Variants in ERMP1 observed in about 807,000 individuals in gnomAD.
ERMP1 encodes the protein Felix-ina.
A neutral mutation model predicts 92.0 loss-of-function variants in ERMP1; 86 were observed. The observed-to-expected ratio is 0.93, with a 90% CI of 0.79 to 1.12. The LOEUF is 1.12. Among genes scored for constraint, ERMP1 ranks in the 50% most tolerant of loss-of-function variants. ERMP1 has a pLI of 0.00. For synonymous variants in ERMP1, 530 were observed against 412.8 expected, an observed-to-expected ratio of 1.28 and a Z score of -3.44; for missense variants, 1,342 against 1,116.3, an observed-to-expected ratio of 1.20 and a Z score of -2.88.
upstream of ERMP1, among the ~76,000 whole-genome samples, chr9:5,834,733 G>GTGTGTGTC (rs1226660115): frequency 1.3e-5 from 2 of 150,470 alleles, no homozygotes; most frequent in Non-Finnish European, 3.0e-5. Flanking sequence ...GTGTGTGTGT[G>GTGTGTGTC]TGTGTGTGTG....
chr9:5,838,654 T>C (rs1356385496), intron 6 of ERMP1, among the ~76,000 whole-genome samples: 1 of 152,022 alleles, frequency 6.6e-6, no homozygotes, highest in African/African-American at 2.4e-5. Flanking sequence ...AAATCAAATA[T>C]ATGGAAATGA....
At chr9:5,864,820 T>C (rs1479416652) in intron 5 of ERMP1, among the ~76,000 whole-genome samples, 1 of 152,214 alleles carries the variant, frequency 6.6e-6, no homozygotes, top group Non-Finnish European at 1.5e-5. Flanking sequence ...TTGCAACTAT[T>C]GGTGCCTAAT....
chr9:5,798,681 G>T, intron 12 of ERMP1, 125 bp downstream of exon 12: 2 of 550,334 alleles, frequency 3.6e-6, no homozygotes, highest in South Asian at 2.9e-5. Context: ...CATAATGATA[G>T]AAAAAATAGT....
chr9:5,832,602 G>A, intron 1 of ERMP1, 88 bp downstream of exon 1: 1 of 1,083,022 alleles, frequency 9.2e-7, no homozygotes, highest in Non-Finnish European at 1.2e-6. Flanking sequence ...GTCCGGCAGG[G>A]GCGGGTGCAC....
chr9:5,837,256 A>G (rs1274239039), upstream of ERMP1, among the ~76,000 whole-genome samples: 3 of 152,118 alleles, frequency 2.0e-5, no homozygotes, highest in Non-Finnish European at 4.4e-5. Flanking sequence ...AGTAACTGGT[A>G]CTATAGGTGT....
At chr9:5,858,012 G>A (rs998699156) in intron 6 of ERMP1, among the ~76,000 whole-genome samples, 1 of 152,160 alleles carries the variant, frequency 6.6e-6, no homozygotes, top group Non-Finnish European at 1.5e-5. Context: ...CAGGTCCCAA[G>A]ACAAATCTTT....
chr9:5,836,048 T>C (rs1830092879), upstream of ERMP1, among the ~76,000 whole-genome samples: 2 of 152,334 alleles, frequency 1.3e-5, no homozygotes, highest in South Asian at 4.1e-4. Context: ...TGGCAGGCAG[T>C]TATGCTTGTG....
intron 4 of ERMP1, among the ~76,000 whole-genome samples, chr9:5,819,294 G>C (rs1283873697): frequency 6.6e-6 from 1 of 152,146 alleles, no homozygotes; most frequent in African/African-American, 2.4e-5. Flanking sequence ...AAAGCTGTCA[G>C]AATCAAAACA....
chr9:5,804,683 T>C (rs76317691), intron 10 of ERMP1, among the ~76,000 whole-genome samples: 2,387 of 152,246 alleles, frequency 0.016, 30 homozygotes, highest in South Asian at 0.044. Flanking sequence ...AATTTCAAAA[T>C]ATACTATTAG....
chr9:5,801,084 A>G (rs1828652447), intron 11 of ERMP1, 92 bp downstream of exon 11: 3 of 1,372,464 alleles, frequency 2.2e-6, no homozygotes, highest in East Asian at 2.4e-5. Context: ...TCAACAGCAG[A>G]AAAGTCAGCT....
At chr9:5,841,481 T>TG (rs1303009186) in intron 6 of ERMP1, among the ~76,000 whole-genome samples, 1 of 152,144 alleles carries the variant, frequency 6.6e-6, no homozygotes, top group Non-Finnish European at 1.5e-5. Context: ...TTAAAAGGTA[T>TG]GGGGTTTCCT....
chr9:5,836,689 T>A (rs1175473266), upstream of ERMP1, among the ~76,000 whole-genome samples: 1 of 152,132 alleles, frequency 6.6e-6, no homozygotes, highest in Non-Finnish European at 1.5e-5. Flanking sequence ...CAGGGTGCTG[T>A]TGGACAATTG....
chr9:5,826,693 A>G (rs745312782), intron 2 of ERMP1, among the ~76,000 whole-genome samples: 5 of 152,256 alleles, frequency 3.3e-5, no homozygotes, highest in South Asian at 4.1e-4. Context: ...TATCAAATAG[A>G]AAATGCTGCT....
At chr9:5,791,195 G>T (rs1014783484) in intron 13 of ERMP1, 9 of 456,258 alleles carry the variant, frequency 2.0e-5, no homozygotes, top group African/African-American at 1.6e-4. Flanking sequence ...GAGAGAGACA[G>T]AGAGAGTGAT....
chr9:5,789,857 T>TG (rs1421268335), intron 13 of ERMP1, among the ~76,000 whole-genome samples: 2 of 151,644 alleles, frequency 1.3e-5, no homozygotes, highest in African/African-American at 4.8e-5. Flanking sequence ...CTTTTTTTTT[T>TG]TTTTTTGGTA....
chr9:5,820,876 C>T (rs745683009), intron 4 of ERMP1, among the ~76,000 whole-genome samples: 2 of 152,126 alleles, frequency 1.3e-5, no homozygotes, highest in African/African-American at 2.4e-5. Context: ...CCACAAGAAG[C>T]GCAGTCTTTT....
chr9:5,813,077 A>ATT (rs35748220), intron 4 of ERMP1, 42 bp from the exon 5 acceptor site: 60 of 1,592,396 alleles, frequency 3.8e-5, no homozygotes, highest in East Asian at 3.0e-4. Flanking sequence ...TATTCCGGCA[A>ATT]TTTTTTTTAA....
intron 6 of ERMP1, among the ~76,000 whole-genome samples, chr9:5,847,570 T>G (rs1158665993): frequency 6.6e-6 from 1 of 151,532 alleles, no homozygotes; most frequent in Non-Finnish European, 1.5e-5. Context: ...ACCCCAATTT[T>G]GTTCCTTCTC....
At chr9:5,823,163 C>T (rs1052541337) in intron 4 of ERMP1, among the ~76,000 whole-genome samples, 9 of 152,032 alleles carry the variant, frequency 5.9e-5, no homozygotes, top group African/African-American at 2.2e-4. Flanking sequence ...CAAGCACCTG[C>T]AGTCCCAGCA....
Sources: allele counts gnomAD v4.1 joint callset (sites outside exome capture counted in the v4.1 genomes callset), GRCh38; gene constraint gnomAD v4.1.1; transcripts MANE v1.5; gene names NCBI Gene and HGNC (gene_info 2026-07-23, HGNC 2026-07-21).